TEAD3: variants seen among roughly 807,000 people sequenced by gnomAD.
TEAD3 encodes transcriptional enhancer factor TEF-5.
In TEAD3, 15 loss-of-function variants were observed where a neutral mutation model predicts 55.6. The observed-to-expected ratio is 0.27, with a 90% CI of 0.18 to 0.42. The LOEUF is 0.42. Ranked by LOEUF, TEAD3 falls within the 10% of genes least tolerant of loss-of-function variation. TEAD3 has a pLI of 1.00. For missense variants in TEAD3, 407 were observed against 576.8 expected (o/e 0.71, Z 3.01); for synonymous variants, 210 against 232.2 (o/e 0.90, Z 0.87).
chr6:35,485,298 C>T lies in TEAD3; in HGVS notation c.203-674G>A, dbSNP rs925268599. ...ATGTCACCAGTTCCCAGTGTCTCTC[C>T]ACCCTGTGAGAGCCTTGTGAGCCTT... On this transcript the variant is annotated intron_variant, in intron 2 of 12. Coordinates refer to ENST00000639578, the Ensembl canonical transcript of TEAD3. The surrounding 1 kb of genome is among the most constrained non-coding windows in gnomAD (Gnocchi z 4.3). 2.0e-5 allele frequency among the ~76,000 whole-genome samples: 3 copies of T among 152,160 alleles called. No individual in the cohort carries two copies. Among genetic ancestry groups the T allele is most frequent in the Non-Finnish European group, 4.4e-5 (3 of 68,022 alleles).
intron 3 of TEAD3, among the ~76,000 whole-genome samples, chr6:35,481,004 C>G (rs1314875921): frequency 6.6e-6 from 1 of 152,136 alleles, no homozygotes; most frequent in Non-Finnish European, 1.5e-5. Flanking sequence ...GTCCTCCTGT[C>G]AACCCCAACC....
At chr6:35,490,657 G>A (rs1768495266) in intron 1 of TEAD3, among the ~76,000 whole-genome samples, 2 of 152,196 alleles carry the variant, frequency 1.3e-5, no homozygotes, top group Non-Finnish European at 2.9e-5. Flanking sequence ...CAGTGGAAGG[G>A]AGTCTGCAGG....
At position 35,496,433 on chromosome 6, in the gene TEAD3, G is replaced by A. The variant is rs889328050; in HGVS notation, c.-50+465C>T. On this transcript the variant is annotated intron_variant, in intron 1 of 12. Coordinates refer to ENST00000639578, the Ensembl canonical transcript of TEAD3. The surrounding 1 kb of genome is among the most constrained non-coding windows in gnomAD (Gnocchi z 4.8). ...AAACCGGCCTGGGCGCTGGGAGGCC[G>A]GGCCCGAGGCCTGCGTGGAGCTGAG... Among the ~76,000 whole-genome samples the A allele has an allele frequency of 1.3e-5, 2 of 152,092 alleles. No individual in the cohort carries two copies. Among genetic ancestry groups the A allele is most frequent in the African/African-American group, 4.8e-5 (2 of 41,424 alleles).
At chr6:35,492,670 C>A (rs950223430) in intron 1 of TEAD3, among the ~76,000 whole-genome samples, 73 of 149,744 alleles carry the variant, frequency 4.9e-4, no homozygotes, top group African/African-American at 1.7e-3. Context: ...GCCCCTCCTC[C>A]CCACACTACT....
intron 1 of TEAD3, among the ~76,000 whole-genome samples, chr6:35,493,812 G>A (rs1315551276): frequency 6.6e-6 from 1 of 152,198 alleles, no homozygotes; most frequent in Non-Finnish European, 1.5e-5. Context: ...TGCGAGTGCG[G>A]TGTCCTTCAC....
At position 35,486,409 on chromosome 6, in the gene TEAD3, G is replaced by A; in HGVS notation, c.202+52C>T. 6.4e-7 allele frequency: 1 copy of A among 1,565,628 alleles called. No homozygotes were observed. The highest frequency in any genetic ancestry group is 2.3e-5 in the East Asian group (1 of 44,164). Reference sequence around the variant, plus strand: ...GTCACCAAACCGGTTGGGTGAGAGGGCAGAGAGCAGGGGGAAGGGCCGCAG... The same window carrying A: ...GTCACCAAACCGGTTGGGTGAGAGGACAGAGAGCAGGGGGAAGGGCCGCAG... On this transcript the variant is annotated intron_variant, in intron 2 of 12. Transcript: ENST00000639578. The surrounding 1 kb of genome is among the most constrained non-coding windows in gnomAD (Gnocchi z 7.3).
exon 7 of TEAD3, chr6:35,478,302 A>C (rs768529914): frequency 1.2e-6 from 2 of 1,613,852 alleles, no homozygotes; most frequent in Non-Finnish European, 8.5e-7. Flanking sequence ...CTGCTGTCCC[A>C]GGAGAGGGGG....
chr6:35,475,213 CA>C lies in TEAD3; in HGVS notation c.1195-57del. The C allele has an allele frequency of 6.4e-7, 1 of 1,573,502 alleles. No individual in the cohort carries two copies. Among genetic ancestry groups the C allele is most frequent in the South Asian group, 1.2e-5 (1 of 86,910 alleles). ...GGTCAGGGAGAAAAGGGCCACGGGG[CA>C]GGGGGCTGAACAGACCATTCTCCTT... On this transcript the variant is annotated intron_variant, in intron 12 of 12. Coordinates refer to ENST00000639578, the Ensembl canonical transcript of TEAD3. The surrounding 1 kb of genome is among the most constrained non-coding windows in gnomAD (Gnocchi z 5.4).
rs113883774 is a variant in TEAD3 at position 35,491,153 on chromosome 6, G to A, written c.-49-4442C>T. Reference sequence around the variant, plus strand: ...ACAGACAGAAAGCCCAACCCAGTGGGGGACAGACCAGAGCCCCGCAGAGTG... The same window carrying A: ...ACAGACAGAAAGCCCAACCCAGTGGAGGACAGACCAGAGCCCCGCAGAGTG... On this transcript the variant is annotated intron_variant, in intron 1 of 12. Coordinates refer to ENST00000639578, the Ensembl canonical transcript of TEAD3. The surrounding 1 kb of genome is among the most constrained non-coding windows in gnomAD (Gnocchi z 4.4). Among the ~76,000 whole-genome samples, 247 of 152,120 alleles carry A rather than the reference G, an allele frequency of 1.6e-3. No individual in the cohort carries two copies. Among genetic ancestry groups the A allele is most frequent in the Non-Finnish European group, 2.7e-3 (182 of 67,990 alleles).
In TEAD3 at chr6:35,486,511, G is replaced by A; in HGVS notation, c.152C>T (p.Pro51Leu). Residue 51 changes from proline to leucine, a missense_variant, in exon 2 of 13, where the codon CCG (proline) becomes CTG (leucine). Physicochemically the swap from Pro to Leu is moderately conservative, Grantham distance 98. Coordinates refer to ENST00000639578, the Ensembl canonical transcript of TEAD3. This position sits in a 1 kb window ranked among gnomAD's most constrained non-coding sequence, Gnocchi z 7.3. Reference sequence around the variant, plus strand: ...GATGATCTTCCGCCGGCCGCAGGGCGGGTAGATGGCCAGGGCCTCCTGGAA... The same window carrying A: ...GATGATCTTCCGCCGGCCGCAGGGCAGGTAGATGGCCAGGGCCTCCTGGAA... 1 of 1,613,586 alleles carries A rather than the reference G, an allele frequency of 6.2e-7. No individual in the cohort carries two copies. The highest frequency in any genetic ancestry group is 8.5e-7 in the Non-Finnish European group (1 of 1,179,764).
chr6:35,493,835 T>G (rs138885490), intron 1 of TEAD3, among the ~76,000 whole-genome samples: 115 of 152,322 alleles, frequency 7.5e-4, no homozygotes, highest in Non-Finnish European at 1.4e-3. Flanking sequence ...GCAGGTCACT[T>G]GAGCATCAGA....
Position 35,475,617 on chromosome 6 carries a change from G to A in TEAD3, c.990C>T (p.Ser330=), listed in dbSNP as rs763298861. Reference sequence around the variant, plus strand: ...CAAAGGAGCACACCTTGGTGGAGACGCTGATGGTCATGCTATCAGCAGAGC... The same window carrying A: ...CAAAGGAGCACACCTTGGTGGAGACACTGATGGTCATGCTATCAGCAGAGC... Residue 330 remains serine, a synonymous_variant, in exon 11 of 13, where the codon AGC becomes AGT. Coordinates refer to ENST00000639578, the Ensembl canonical transcript of TEAD3. This position sits in a 1 kb window ranked among gnomAD's most constrained non-coding sequence, Gnocchi z 5.4. 6 of 1,613,442 alleles carry A rather than the reference G, an allele frequency of 3.7e-6. No homozygotes were observed. The African/African-American group carries it at 4.0e-5, about 11-fold the overall frequency.
Position 35,485,207 on chromosome 6 carries a change from A to T in TEAD3, c.203-583T>A, listed in dbSNP as rs1768349791. 6.6e-6 allele frequency among the ~76,000 whole-genome samples: 1 copy of T among 152,156 alleles called. No individual in the cohort carries two copies. The highest frequency in any genetic ancestry group is 1.5e-5 in the Non-Finnish European group (1 of 68,012). On this transcript the variant is annotated intron_variant, in intron 2 of 12. Coordinates refer to ENST00000639578, the Ensembl canonical transcript of TEAD3. The surrounding 1 kb of genome is among the most constrained non-coding windows in gnomAD (Gnocchi z 4.3). ...ACTGACCGCCTCCAATGTGCCTCCT[A>T]CACTGGCGGCCTGTGTCAAGATGTG...
At chr6:35,490,207 A>G (rs1028734557) in intron 1 of TEAD3, among the ~76,000 whole-genome samples, 2 of 152,016 alleles carry the variant, frequency 1.3e-5, no homozygotes, top group African/African-American at 4.8e-5. Context: ...TCTTAGGGTG[A>G]TGTCAGCCCC....
At chr6:35,490,290 TG>T (rs555546729) in intron 1 of TEAD3, among the ~76,000 whole-genome samples, 10 of 151,728 alleles carry the variant, frequency 6.6e-5, no homozygotes, top group South Asian at 2.1e-4. Flanking sequence ...TGGGACAGAC[TG>T]GGGGGGCGGG....
At chr6:35,493,973 G>T (rs1466713896) in intron 1 of TEAD3, among the ~76,000 whole-genome samples, 1 of 152,172 alleles carries the variant, frequency 6.6e-6, no homozygotes, top group Non-Finnish European at 1.5e-5. Context: ...GTACAGAGGT[G>T]GCGGCACACC....
At chr6:35,489,695 C>T (rs1054389689) in intron 1 of TEAD3, among the ~76,000 whole-genome samples, 1 of 151,932 alleles carries the variant, frequency 6.6e-6, no homozygotes, top group Admixed American at 6.6e-5. Context: ...TACTCCTCAA[C>T]GAGAGGGGAA....
Position 35,475,302 on chromosome 6 carries a change from G to A in TEAD3, c.1194+34C>T, listed in dbSNP as rs1399556881. The A allele has an allele frequency of 3.7e-6, 6 of 1,609,754 alleles. No individual in the cohort carries two copies. The highest frequency in any genetic ancestry group is 5.1e-6 in the Non-Finnish European group (6 of 1,177,278). ...CTACCCAACTTGGAGGCCCTGGCCT[G>A]TGGGACTCCCCACGACCCCTGCTGC... On this transcript the variant is annotated intron_variant, in intron 12 of 12. Coordinates refer to ENST00000639578, the Ensembl canonical transcript of TEAD3. The surrounding 1 kb of genome is among the most constrained non-coding windows in gnomAD (Gnocchi z 5.4).
At chr6:35,495,451 G>C (rs1768622536) in intron 1 of TEAD3, among the ~76,000 whole-genome samples, 3 of 152,182 alleles carry the variant, frequency 2.0e-5, no homozygotes, top group Admixed American at 2.0e-4. Context: ...CCAAGAGCTT[G>C]GGACTCATAC....
Sources: gnomAD v4.1 joint callset for allele counts (sites outside exome capture counted in the v4.1 genomes callset) on GRCh38, gnomAD v4.1.1 for gene constraint, Gnocchi (gnomAD v3.1) non-coding constraint, MANE v1.5 for transcripts, NCBI Gene and HGNC (gene_info 2026-07-23, HGNC 2026-07-21) for gene names.